The following USO1 variants were observed in gnomAD, a reference collection of about 807,000 sequenced individuals.
USO1 encodes general vesicular transport factor p115.
A neutral mutation model predicts 124.5 loss-of-function variants in USO1; 57 were observed. The ratio of observed to expected loss-of-function variants is 0.46; its 90% CI spans 0.37 to 0.57. USO1 has a LOEUF of 0.57. USO1 is among the 20% of genes least tolerant of loss of function. The probability of loss-of-function intolerance (pLI) is 0.00; values close to 1 mark genes in which losing one functional copy is unlikely to be tolerated. For synonymous variants in USO1, 369 were observed against 362.8 expected, an observed-to-expected ratio of 1.02 and a Z score of -0.19; for missense variants, 900 against 1,040.6, an observed-to-expected ratio of 0.86 and a Z score of 1.86.
chr4:75,735,513 A>G (rs1175245061), intron 1 of USO1, among the ~76,000 whole-genome samples: 2 of 151,722 alleles, frequency 1.3e-5, no homozygotes, highest in Non-Finnish European at 2.9e-5. Context: ...CTTCTTTTTA[A>G]TCTTTTGATA....
intron 8 of USO1, among the ~76,000 whole-genome samples, chr4:75,778,166 A>G (rs1389865684): frequency 1.3e-5 from 2 of 152,164 alleles, no homozygotes; most frequent in Non-Finnish European, 2.9e-5. Flanking sequence ...CCAGTTGAAA[A>G]TCTACTTTTT....
chr4:75,790,001 A>T, intron 10 of USO1, 149 bp from the exon 11 acceptor site: 1 of 845,536 alleles, frequency 1.2e-6, no homozygotes, highest in Non-Finnish European at 1.6e-6. Context: ...TACATATGTA[A>T]CTAACCTGCA....
intron 22 of USO1, 49 bp from the exon 23 acceptor site, chr4:75,812,111 A>G: frequency 6.4e-7 from 1 of 1,551,518 alleles, no homozygotes; most frequent in African/African-American, 1.4e-5. Context: ...AAACTCTAGG[A>G]AAGTGAGTGC....
At chr4:75,754,789 A>G (rs1254097958) in intron 3 of USO1, among the ~76,000 whole-genome samples, 1 of 152,186 alleles carries the variant, frequency 6.6e-6, no homozygotes, top group Non-Finnish European at 1.5e-5. Flanking sequence ...CTCAGTGTCA[A>G]TCACTTAAAT....
intron 3 of USO1, chr4:75,755,599 T>C (rs1288050312): frequency 8.6e-6 from 4 of 467,644 alleles, no homozygotes; most frequent in African/African-American, 6.0e-5. Context: ...ACCTTTTTTC[T>C]TCTCCCCAGA....
intron 9 of USO1, among the ~76,000 whole-genome samples, chr4:75,786,743 G>A (rs550521264): frequency 3.2e-4 from 49 of 152,242 alleles, no homozygotes; most frequent in Non-Finnish European, 6.0e-4. Flanking sequence ...CTGCCACTCT[G>A]TAACTTATTC....
intron 4 of USO1, chr4:75,767,604 C>T (rs928114147): frequency 3.5e-6 from 1 of 281,810 alleles, no homozygotes; most frequent in South Asian, 2.8e-5. Context: ...ATTAGCCGGG[C>T]GTGGTAGCAG....
intron 13 of USO1, among the ~76,000 whole-genome samples, chr4:75,798,231 C>T (rs324729): frequency 0.79 from 120,739 of 152,100 alleles, 48,189 homozygotes; most frequent in East Asian, 0.99. Context: ...TTAAATCTTA[C>T]TCTGTTTTTT....
At chr4:75,737,405 C>T (rs1409409144) in intron 1 of USO1, among the ~76,000 whole-genome samples, 1 of 152,132 alleles carries the variant, frequency 6.6e-6, no homozygotes, top group Non-Finnish European at 1.5e-5. Flanking sequence ...GTAATTATAA[C>T]TGGGGGTATT....
At chr4:75,735,393 T>C (rs1720761325) in intron 1 of USO1, among the ~76,000 whole-genome samples, 1 of 152,236 alleles carries the variant, frequency 6.6e-6, no homozygotes, top group Non-Finnish European at 1.5e-5. Flanking sequence ...AGAGATAGTT[T>C]GTCATTTTTT....
chr4:75,810,098 A>T (rs530254681), intron 21 of USO1, among the ~76,000 whole-genome samples: 2 of 152,224 alleles, frequency 1.3e-5, no homozygotes, highest in African/African-American at 4.8e-5. Context: ...TAGGAAATTT[A>T]TGAAGGAAAG....
intron 1 of USO1, among the ~76,000 whole-genome samples, chr4:75,744,276 T>A (rs1319117669): frequency 6.6e-6 from 1 of 152,204 alleles, no homozygotes. Context: ...GCCTCAGGGT[T>A]ACCACAATAA....
At chr4:75,798,141 C>CTT (rs987792614) in intron 13 of USO1, among the ~76,000 whole-genome samples, 2 of 151,978 alleles carry the variant, frequency 1.3e-5, no homozygotes, top group African/African-American at 4.8e-5. Flanking sequence ...TTCATTCTGT[C>CTT]TTTTAACTGG....
At chr4:75,771,671 G>T (rs1308400203) in intron 7 of USO1, among the ~76,000 whole-genome samples, 1 of 152,172 alleles carries the variant, frequency 6.6e-6, no homozygotes, top group Admixed American at 6.5e-5. Flanking sequence ...GCCCTTATTT[G>T]ATTGAGTGTG....
chr4:75,789,938 T>TAA lies in USO1; in HGVS notation c.997-212_997-211insAA, dbSNP rs1305309630. Among the ~76,000 whole-genome samples the TAA allele has an allele frequency of 1.2e-4, 18 of 152,186 alleles. No homozygotes were observed. In the South Asian group the frequency reaches 3.7e-3, roughly 32 times the overall value. ...ATTATAATGTTATCATTGATGTTTT[T>TAA]GTGCCTGAATTTTGGCACTTAAAAA... On this transcript the variant is annotated intron_variant, in intron 10 of 23. Coordinates refer to ENST00000514213, the MANE Select transcript of USO1 (RefSeq NM_003715.4).
chr4:75,767,607 G>A (rs1453784040), intron 4 of USO1: 11 of 286,688 alleles, frequency 3.8e-5, no homozygotes. Flanking sequence ...AGCCGGGCGT[G>A]GTAGCAGGCA....
At chr4:75,734,718 CTTTTTTTTTTTT>C (rs55928639) in intron 1 of USO1, among the ~76,000 whole-genome samples, 711 of 47,476 alleles carry the variant, frequency 0.015, 27 homozygotes, top group African/African-American at 0.056. Context: ...GGCAGTATGG[CTTTTTTTTTTTT>C]TTTTTTTTTT....
At chr4:75,789,717 T>C (rs2149180775) in intron 10 of USO1, among the ~76,000 whole-genome samples, 1 of 152,286 alleles carries the variant, frequency 6.6e-6, no homozygotes, top group South Asian at 2.1e-4. Context: ...TTTTTAACTT[T>C]ATCCTTAAAT....
At chr4:75,746,044 T>A (rs1317886386) in intron 1 of USO1, among the ~76,000 whole-genome samples, 1 of 152,174 alleles carries the variant, frequency 6.6e-6, no homozygotes, top group Non-Finnish European at 1.5e-5. Flanking sequence ...TAGTAGATAA[T>A]CCCTACGGTA....
Sources: gnomAD v4.1 joint callset for allele counts (sites outside exome capture counted in the v4.1 genomes callset) on GRCh38, gnomAD v4.1.1 for gene constraint, MANE v1.5 for transcripts, NCBI Gene and HGNC (gene_info 2026-07-23, HGNC 2026-07-21) for gene names.